RANGAP1: variants seen among roughly 807,000 people sequenced by gnomAD.
The protein encoded by RANGAP1 is Ran GTPase activating protein 1.
In RANGAP1, 38 loss-of-function variants were observed where a neutral mutation model predicts 63.5. The ratio of observed to expected loss-of-function variants is 0.60; its 90% CI spans 0.46 to 0.78. RANGAP1 has a LOEUF of 0.78. RANGAP1 is among the 30% of genes least tolerant of loss of function. The pLI, the probability that RANGAP1 is intolerant of heterozygous loss-of-function variation, is 0.00. For synonymous variants in RANGAP1, 329 were observed against 310.5 expected, an observed-to-expected ratio of 1.06 and a Z score of -0.63; for missense variants, 630 against 740.3, an observed-to-expected ratio of 0.85 and a Z score of 1.73.
intron 8 of RANGAP1, 127 bp downstream of exon 8, chr22:41,256,584 G>C: frequency 1.3e-6 from 1 of 787,876 alleles, no homozygotes; most frequent in South Asian, 1.7e-5. Context: ...CAGCATCACA[G>C]GGCCCGAAGT....
At chr22:41,295,392 A>C in the RANGAP1 span, among the ~76,000 whole-genome samples, 1 of 151,942 alleles carries the variant, frequency 6.6e-6, no homozygotes. Flanking sequence ...TTGATCTGTG[A>C]CCTTACCCCC....
At chr22:41,256,853 G>A in intron 7 of RANGAP1, 29 bp from the exon 8 acceptor site, 2 of 1,586,274 alleles carry the variant, frequency 1.3e-6, no homozygotes, top group Non-Finnish European at 1.7e-6. Context: ...GGTCCAGAGT[G>A]AGGGTGCAGA....
chr22:41,266,978 TC>T, intron 4 of RANGAP1, among the ~76,000 whole-genome samples: 1 of 151,642 alleles, frequency 6.6e-6, no homozygotes, highest in South Asian at 2.1e-4. Context: ...CCTCCTGGGT[TC>T]ACGCAATTCT....
intron 2 of RANGAP1, among the ~76,000 whole-genome samples, chr22:41,279,831 C>T (rs1397765008): frequency 6.7e-6 from 1 of 149,120 alleles, no homozygotes; most frequent in African/African-American, 2.5e-5. Context: ...GGCACAGTGG[C>T]TCACGCCTGT....
chr22:41,263,418 CTT>C (rs2034286215), intron 5 of RANGAP1, among the ~76,000 whole-genome samples: 1 of 152,116 alleles, frequency 6.6e-6, no homozygotes, highest in Non-Finnish European at 1.5e-5. Flanking sequence ...GAGTTTTGCT[CTT>C]GTTGCCCAGG....
chr22:41,273,635 T>C (rs540031999), intron 3 of RANGAP1, among the ~76,000 whole-genome samples: 1 of 150,504 alleles, frequency 6.6e-6, no homozygotes, highest in Non-Finnish European at 1.5e-5. Flanking sequence ...GGCAAGGTGG[T>C]GAGTGCACAT....
chr22:41,292,901 C>T, the RANGAP1 span, among the ~76,000 whole-genome samples: 5 of 148,376 alleles, frequency 3.4e-5, no homozygotes, highest in Non-Finnish European at 3.0e-5. Flanking sequence ...CCCAGGAGTT[C>T]CAGACCATCC....
intron 12 of RANGAP1, among the ~76,000 whole-genome samples, chr22:41,251,629 A>C (rs74651888): frequency 6.9e-6 from 1 of 145,742 alleles, no homozygotes; most frequent in East Asian, 1.9e-4. Flanking sequence ...TTGTCTCAGA[A>C]AAAAAAAAAA....
At chr22:41,297,714 C>A in the RANGAP1 span, among the ~76,000 whole-genome samples, 4 of 137,654 alleles carry the variant, frequency 2.9e-5, no homozygotes, top group African/African-American at 1.1e-4. Flanking sequence ...TTTTTGAGAC[C>A]GAGTCTTGCT....
intron 6 of RANGAP1, among the ~76,000 whole-genome samples, chr22:41,260,967 GGA>G (rs1320607852): frequency 6.6e-6 from 1 of 152,198 alleles, no homozygotes; most frequent in Non-Finnish European, 1.5e-5. Context: ...GATGGGGAGA[GGA>G]GAGTGGAAGA....
intron 8 of RANGAP1, 140 bp downstream of exon 8, chr22:41,256,571 A>T: frequency 1.4e-6 from 1 of 729,882 alleles, no homozygotes; most frequent in South Asian, 1.8e-5. Context: ...GTGGAGGCTC[A>T]CACAGCATCA....
the RANGAP1 span, among the ~76,000 whole-genome samples, chr22:41,295,357 A>T: frequency 1.4e-4 from 21 of 152,018 alleles, no homozygotes; most frequent in East Asian, 4.1e-3. Flanking sequence ...TGTACTAAGA[A>T]AAATTCTTCT....
At chr22:41,266,539 C>CT (rs952515997) in intron 4 of RANGAP1, among the ~76,000 whole-genome samples, 13 of 151,618 alleles carry the variant, frequency 8.6e-5, no homozygotes, top group Admixed American at 6.6e-4. Flanking sequence ...ACTTGAAATT[C>CT]TTTTTTTTTG....
intron 5 of RANGAP1, 45 bp from the exon 6 acceptor site, chr22:41,261,625 T>C (rs763224845): frequency 1.7e-5 from 27 of 1,612,632 alleles, no homozygotes; most frequent in Non-Finnish European, 2.2e-5. Context: ...AGGAGCCCCT[T>C]CTCCCAGCGG....
chr22:41,249,923 C>T, intron 13 of RANGAP1, 106 bp from the exon 14 acceptor site: 1 of 955,812 alleles, frequency 1.0e-6, no homozygotes, highest in Non-Finnish European at 1.7e-6. Context: ...CGCCTGCCTC[C>T]TCGCCCTGAC....
At chr22:41,288,343 C>T (rs1425849672), upstream of RANGAP1, among the ~76,000 whole-genome samples, 1 of 152,198 alleles carries the variant, frequency 6.6e-6, no homozygotes, top group Non-Finnish European at 1.5e-5. Flanking sequence ...GCAGTTTCCT[C>T]CTCAGCCTGG....
At chr22:41,269,909 C>A (rs938737596) in intron 3 of RANGAP1, among the ~76,000 whole-genome samples, 6 of 152,204 alleles carry the variant, frequency 3.9e-5, no homozygotes, top group Admixed American at 3.9e-4. Flanking sequence ...TCTCGGCTCA[C>A]TGCAATCTCC....
chr22:41,258,060 T>C lies in RANGAP1; in HGVS notation c.662A>G (p.Asn221Ser), dbSNP rs144343100. 26 of 1,613,400 alleles carry C rather than the reference T, an allele frequency of 1.6e-5. No individual in the cohort carries two copies. The highest frequency in any genetic ancestry group is 2.0e-5 in the Non-Finnish European group (24 of 1,179,612). Residue 221 changes from asparagine to serine, a missense_variant, in exon 7 of 16, where the codon AAC (asparagine) becomes AGC (serine). Physicochemically the swap from Asn to Ser is conservative, Grantham distance 46. This residue lies in a region of RANGAP1 where 428 missense variants were observed against 465.5 expected (regional missense o/e 0.92). Transcript: ENST00000356244. ...EEVHMPQNGINHPGITALAQA... is the reference protein window; with the variant it reads ...EEVHMPQNGISHPGITALAQA... ...GGCCAGGGCAGTGATGCCAGGGTGG[T>C]TGATCCCATTCTGTGGCATGTGGAC... is the stretch of plus-strand genomic sequence containing the variant.
At position 41,249,315 on chromosome 22, in the gene RANGAP1, C is replaced by G; in HGVS notation, c.1694+15G>C. 6.3e-7 allele frequency: 1 copy of G among 1,583,348 alleles called. No individual in the cohort carries two copies. Among genetic ancestry groups the G allele is most frequent in the Non-Finnish European group, 8.6e-7 (1 of 1,163,530 alleles). On this transcript the variant is annotated intron_variant, in intron 15 of 15. Coordinates refer to ENST00000356244, the MANE Select transcript of RANGAP1 (RefSeq NM_002883.4). ...GAGAGGGCAGGCACCGGCAGAAGGACAAGGCCACACTCACTTGGTCACGAA... is the reference window on the plus strand; with the variant it reads ...GAGAGGGCAGGCACCGGCAGAAGGAGAAGGCCACACTCACTTGGTCACGAA...
Sources: allele counts gnomAD v4.1 joint callset (sites outside exome capture counted in the v4.1 genomes callset), GRCh38; gene constraint gnomAD v4.1.1; regional missense constraint gnomAD v4.1.1; transcripts MANE v1.5; gene names NCBI Gene and HGNC (gene_info 2026-07-23, HGNC 2026-07-21).